The following CHCHD4 variants were observed in gnomAD, a reference collection of about 807,000 sequenced individuals.
The protein encoded by CHCHD4 is coiled-coil-helix-coiled-coil-helix domain containing 4.
CHCHD4 carries 7 observed loss-of-function variants against 12.4 expected under a neutral mutation model. The observed-to-expected ratio is 0.57, with a 90% CI of 0.32 to 1.06. The LOEUF (loss-of-function observed/expected upper bound fraction) is 1.06, where lower values mean the gene tolerates loss of function less well. CHCHD4 is among the 50% of genes least tolerant of loss of function. CHCHD4 has a pLI of 0.04. For missense variants in CHCHD4, 143 were observed against 175.1 expected, an observed-to-expected ratio of 0.82 and a Z score of 1.03; for synonymous variants, 56 against 58.0, an observed-to-expected ratio of 0.97 and a Z score of 0.16.
At chr3:14,113,726 A>G (rs1694845802) in intron 2 of CHCHD4, among the ~76,000 whole-genome samples, 1 of 152,170 alleles carries the variant, frequency 6.6e-6, no homozygotes. Flanking sequence ...ACTGACGAAG[A>G]AAGATGTCCA....
chr3:14,123,927 G>A (rs547402185), intron 1 of CHCHD4, among the ~76,000 whole-genome samples: 69 of 152,276 alleles, frequency 4.5e-4, no homozygotes, highest in South Asian at 1.9e-3. Flanking sequence ...GGTAGGCAGG[G>A]TTCTCCCTGC....
chr3:14,118,270 G>A (rs1694896817), intron 1 of CHCHD4, among the ~76,000 whole-genome samples: 1 of 152,180 alleles, frequency 6.6e-6, no homozygotes, highest in Non-Finnish European at 1.5e-5. Context: ...CGCAGAGGCC[G>A]GACCTGCAGA....
intron 1 of CHCHD4, among the ~76,000 whole-genome samples, chr3:14,123,635 G>C (rs1489348333): frequency 6.6e-6 from 1 of 152,102 alleles, no homozygotes; most frequent in East Asian, 1.9e-4. Context: ...AATTTCTGGG[G>C]GACTTCCAAC....
rs115552313 is a variant in CHCHD4, at chr3:14,112,826, C to T, written c.*61G>A. Reference sequence around the variant, plus strand: ...AGGAAACTTTCTTGGAAGGTGATGACAAGGCCTTTTGCAAAAGGTCCACTC... The same window carrying T: ...AGGAAACTTTCTTGGAAGGTGATGATAAGGCCTTTTGCAAAAGGTCCACTC... On this transcript the variant is annotated 3_prime_UTR_variant, in exon 3 of 3. Coordinates refer to ENST00000396914, the MANE Select transcript of CHCHD4 (RefSeq NM_001098502.2). 1.1e-3 allele frequency: 1,615 copies of T among 1,478,620 alleles called. 19 individuals carry two copies. In the African/African-American group the frequency reaches 0.019, roughly 18 times the overall value. The allele number at this position is 1,478,620 out of a possible 1,614,324, so 91.6% of individuals were successfully genotyped here. A position where few individuals can be genotyped will look rare whatever the true frequency, so the allele number is the denominator to read the frequency against.
intron 2 of CHCHD4, among the ~76,000 whole-genome samples, chr3:14,114,621 T>A (rs1694857549): frequency 6.6e-6 from 1 of 152,042 alleles, no homozygotes; most frequent in African/African-American, 2.4e-5. Flanking sequence ...TACTGACATT[T>A]AAAAATTACA....
chr3:14,116,332 G>A (rs1694875469), intron 2 of CHCHD4, 94 bp downstream of exon 2: 1 of 884,242 alleles, frequency 1.1e-6, no homozygotes, highest in African/African-American at 1.6e-5. Flanking sequence ...TGAAAACTTG[G>A]CCTTGGCTAG....
intron 1 of CHCHD4, 71 bp from the exon 2 acceptor site, chr3:14,116,595 C>T: frequency 8.7e-7 from 1 of 1,146,952 alleles, no homozygotes; most frequent in East Asian, 2.3e-5. Flanking sequence ...CCCAAAGCAG[C>T]CGCCACACAA....
chr3:14,118,608 A>C (rs1271132669), intron 1 of CHCHD4, among the ~76,000 whole-genome samples: 1 of 152,186 alleles, frequency 6.6e-6, no homozygotes, highest in African/African-American at 2.4e-5. Flanking sequence ...AGGACCCCCA[A>C]CCCACTGGAG....
chr3:14,120,189 C>T (rs770396554), intron 1 of CHCHD4, among the ~76,000 whole-genome samples: 28 of 151,998 alleles, frequency 1.8e-4, no homozygotes, highest in Non-Finnish European at 3.8e-4. Flanking sequence ...GAGAACAGAA[C>T]TGAGTGAGCA....
chr3:14,112,674 G>T lies in CHCHD4; in HGVS notation c.*213C>A. ...GAGAATTCAAAAGTGGCGGCCACAG[G>T]TTTGGGTAGGACACACATACATACA... On this transcript the variant is annotated 3_prime_UTR_variant, in exon 3 of 3. Transcript: ENST00000396914. 2.1e-6 allele frequency: 1 copy of T among 471,660 alleles called. No homozygotes were observed. The highest frequency in any genetic ancestry group is 3.7e-6 in the Non-Finnish European group (1 of 269,608). The allele number at this position is 471,660 out of a possible 1,614,324, so 29.2% of individuals were successfully genotyped here. A position where few individuals can be genotyped will look rare whatever the true frequency, so the allele number is the denominator to read the frequency against.
chr3:14,113,023 A>T lies in CHCHD4; in HGVS notation c.293T>A (p.Met98Lys). The T allele has an allele frequency of 1.2e-6, 2 of 1,613,946 alleles. No homozygotes were observed. The highest frequency in any genetic ancestry group is 1.7e-6 in the Non-Finnish European group (2 of 1,180,028). Residue 98 changes from methionine (M) to lysine (K), a missense_variant, in exon 3 of 3, where the codon ATG becomes AAG. Coordinates refer to ENST00000396914, the MANE Select transcript of CHCHD4 (RefSeq NM_001098502.2). Reference protein sequence around the residue: ...VDQFRAMQECMQKYPDLYPQE... With the variant: ...VDQFRAMQECKQKYPDLYPQE... ...GGGATAGAGGTCTGGGTATTTCTGC[A>T]TGCATTCCTGCATGGCCCGGAACTG...
In CHCHD4 at chr3:14,112,381, A is replaced by T. The variant is rs1694830708; in HGVS notation, c.*506T>A. The T allele has an allele frequency of 6.5e-6, 1 of 153,754 alleles. No homozygotes were observed. The highest frequency in any genetic ancestry group is 1.5e-5 in the Non-Finnish European group (1 of 68,950). The allele number at this position is 153,754 out of a possible 1,614,324, so 9.5% of individuals were successfully genotyped here. ...CCAAAATGTATCAGGAATAAAGTAC[A>T]GTACCCCTTCACATACTCAAGGTCA... On this transcript the variant is annotated 3_prime_UTR_variant, in exon 3 of 3. Coordinates refer to ENST00000396914, the MANE Select transcript of CHCHD4 (RefSeq NM_001098502.2).
At chr3:14,116,353 G>A in intron 2 of CHCHD4, 73 bp downstream of exon 2, 4 of 1,059,970 alleles carry the variant, frequency 3.8e-6, no homozygotes, top group Non-Finnish European at 5.9e-6. Context: ...GAAAACATGG[G>A]AAAGGAATTA....
intron 2 of CHCHD4, among the ~76,000 whole-genome samples, chr3:14,115,552 C>T (rs1694868465): frequency 6.6e-6 from 1 of 152,242 alleles, no homozygotes; most frequent in African/African-American, 2.4e-5. Context: ...TTTCCCACTG[C>T]TCCCACTGGG....
chr3:14,116,362 T>G, intron 2 of CHCHD4, 64 bp downstream of exon 2: 2 of 1,121,396 alleles, frequency 1.8e-6, no homozygotes, highest in South Asian at 2.5e-5. Context: ...GGAAAGGAAT[T>G]AAGAACACTG....
At chr3:14,121,970 A>G (rs1694939903) in intron 1 of CHCHD4, 1 of 1,613,996 alleles carries the variant, frequency 6.2e-7, no homozygotes, top group Non-Finnish European at 8.5e-7. Context: ...TGAATACGAC[A>G]CAGGCATCCA....
In CHCHD4 at chr3:14,124,753, C is replaced by T. The variant is rs1252976728; in HGVS notation, c.-77G>A. ...ACCTTTACGCCGTGACCTCCCTCTC[C>T]TCTGGCAGGGCGGGCTCCTCCGAAG... On this transcript the variant is annotated 5_prime_UTR_variant, in exon 1 of 3. Transcript: ENST00000396914. 1 of 1,448,694 alleles carries T rather than the reference C, an allele frequency of 6.9e-7. No homozygotes were observed. The highest frequency in any genetic ancestry group is 9.2e-7 in the Non-Finnish European group (1 of 1,084,818). 89.7% of individuals were successfully genotyped at this position (1,448,694 alleles called of 1,614,324 possible). A position where few individuals can be genotyped will look rare whatever the true frequency, so the allele number is the denominator to read the frequency against.
Position 14,124,694 on chromosome 3 carries a change from G to A in CHCHD4, c.-18C>T, listed in dbSNP as rs1694987485. The A allele has an allele frequency of 6.5e-7, 1 of 1,527,296 alleles. No individual in the cohort carries two copies. The highest frequency in any genetic ancestry group is 2.1e-5 in the Admixed American group (1 of 47,288). The allele number at this position is 1,527,296 out of a possible 1,614,324, so 94.6% of individuals were successfully genotyped here. A position where few individuals can be genotyped will look rare whatever the true frequency, so the allele number is the denominator to read the frequency against. On this transcript the variant is annotated 5_prime_UTR_variant, in exon 1 of 3. Coordinates refer to ENST00000396914, the MANE Select transcript of CHCHD4 (RefSeq NM_001098502.2). ...TAGGACATGGCTGCAGCCCGTCCCTGAGACCTTGCAGAAGCGGCGGTGGCG... is the reference window on the plus strand; with the variant it reads ...TAGGACATGGCTGCAGCCCGTCCCTAAGACCTTGCAGAAGCGGCGGTGGCG...
At chr3:14,117,183 A>C (rs1488927511) in intron 1 of CHCHD4, among the ~76,000 whole-genome samples, 1 of 152,254 alleles carries the variant, frequency 6.6e-6, no homozygotes, top group Non-Finnish European at 1.5e-5. Context: ...TGTGAGGACC[A>C]GCATGGGAAA....
Sources: gnomAD v4.1 joint callset for allele counts (sites outside exome capture counted in the v4.1 genomes callset) on GRCh38, gnomAD v4.1.1 for gene constraint, MANE v1.5 for transcripts, NCBI Gene and HGNC (gene_info 2026-07-23, HGNC 2026-07-21) for gene names.